Variants in MAF observed in about 807,000 individuals in gnomAD.
MAF encodes transcription factor Maf.
A neutral mutation model predicts 22.0 loss-of-function variants in MAF; 10 were observed. The ratio of observed to expected loss-of-function variants is 0.45; its 90% CI spans 0.28 to 0.77. The LOEUF (loss-of-function observed/expected upper bound fraction) is 0.77. Among genes scored for constraint, MAF ranks in the 30% least tolerant of loss-of-function variants. The pLI is 0.12. For synonymous variants in MAF, 337 were observed against 255.8 expected, an observed-to-expected ratio of 1.32 and a Z score of -3.03; for missense variants, 544 against 548.4, an observed-to-expected ratio of 0.99 and a Z score of 0.08.
chr16:79,218,347 G>A, the MAF span, among the ~76,000 whole-genome samples: 2 of 151,790 alleles, frequency 1.3e-5, no homozygotes, highest in South Asian at 2.1e-4. Context: ...CCCTACTGTG[G>A]GACATTTAGG....
chr16:79,283,967 C>CAAAAA, the MAF span, among the ~76,000 whole-genome samples: 2 of 115,584 alleles, frequency 1.7e-5, no homozygotes, highest in Non-Finnish European at 3.4e-5. Flanking sequence ...ACCTCCTCCT[C>CAAAAA]AAAAAAAAAA....
chr16:79,588,785 C>G (rs1913015924), intron 1 of MAF, among the ~76,000 whole-genome samples: 1 of 151,664 alleles, frequency 6.6e-6, no homozygotes, highest in South Asian at 2.1e-4. Context: ...AATAGCTTGC[C>G]CCCTCCCTAA....
the MAF span, chr16:79,206,501 G>A: frequency 6.6e-6 from 1 of 152,164 alleles, no homozygotes; most frequent in East Asian, 1.9e-4. Context: ...GCTCTGTGAG[G>A]GTTAGGCAAC....
chr16:79,241,049 A>G, the MAF span, among the ~76,000 whole-genome samples: 1 of 152,110 alleles, frequency 6.6e-6, no homozygotes, highest in Non-Finnish European at 1.5e-5. Context: ...ACCAACATCA[A>G]AGACCAAAGG....
downstream of MAF, among the ~76,000 whole-genome samples, chr16:79,584,131 G>A (rs1325200740): frequency 3.3e-5 from 5 of 152,056 alleles, no homozygotes; most frequent in Admixed American, 3.3e-4. Flanking sequence ...GTAATTAAAT[G>A]ACTCCCCAAA....
the MAF span, among the ~76,000 whole-genome samples, chr16:79,484,803 G>T: frequency 6.6e-6 from 1 of 152,154 alleles, no homozygotes; most frequent in Non-Finnish European, 1.5e-5. Flanking sequence ...ATGTGCACGT[G>T]TGTGTGTGTG....
At chr16:79,207,713 A>G in the MAF span, among the ~76,000 whole-genome samples, 103 of 152,338 alleles carry the variant, frequency 6.8e-4, no homozygotes, top group African/African-American at 2.4e-3. Flanking sequence ...AAAGCAAAAC[A>G]CGGTGTAACA....
At chr16:79,335,240 C>T in the MAF span, among the ~76,000 whole-genome samples, 1 of 149,948 alleles carries the variant, frequency 6.7e-6, no homozygotes, top group African/African-American at 2.5e-5. Flanking sequence ...AGAAATCAAT[C>T]ATATTTTGGG....
chr16:79,249,790 G>C, the MAF span, among the ~76,000 whole-genome samples: 2 of 151,726 alleles, frequency 1.3e-5, no homozygotes, highest in Admixed American at 6.6e-5. Context: ...CCTTCATGGA[G>C]CTAATTTACA....
At chr16:79,458,540 C>T in the MAF span, among the ~76,000 whole-genome samples, 30 of 152,122 alleles carry the variant, frequency 2.0e-4, no homozygotes, top group Admixed American at 1.6e-3. Context: ...GACTTAACTA[C>T]GTGAACCAAA....
At chr16:79,357,431 C>CA in the MAF span, among the ~76,000 whole-genome samples, 1 of 152,134 alleles carries the variant, frequency 6.6e-6, no homozygotes, top group African/African-American at 2.4e-5. Context: ...GACACTGTCT[C>CA]AAAAAACAAA....
chr16:79,344,544 A>G, the MAF span, among the ~76,000 whole-genome samples: 1 of 152,236 alleles, frequency 6.6e-6, no homozygotes, highest in Non-Finnish European at 1.5e-5. Flanking sequence ...AACTAAAGAT[A>G]GATAGGTTTC....
the MAF span, among the ~76,000 whole-genome samples, chr16:79,259,963 G>T: frequency 2.6e-5 from 4 of 152,322 alleles, no homozygotes; most frequent in Non-Finnish European, 4.4e-5. Flanking sequence ...GCCAGGTCAA[G>T]GCAGGGAAGT....
the MAF span, among the ~76,000 whole-genome samples, chr16:79,267,739 A>C: frequency 6.6e-6 from 1 of 152,350 alleles, no homozygotes; most frequent in African/African-American, 2.4e-5. Flanking sequence ...TGGTGTTGTC[A>C]GGAGTAAGGG....
chr16:79,521,656 C>T, the MAF span, among the ~76,000 whole-genome samples: 2 of 152,206 alleles, frequency 1.3e-5, no homozygotes, highest in Non-Finnish European at 2.9e-5. Flanking sequence ...ACGCATCACG[C>T]AGCCACATCT....
At chr16:79,455,378 C>T in the MAF span, among the ~76,000 whole-genome samples, 1 of 152,060 alleles carries the variant, frequency 6.6e-6, no homozygotes, top group Non-Finnish European at 1.5e-5. Context: ...TTATTAGGTG[C>T]TCTGAATAAA....
chr16:79,568,821 T>G, the MAF span, among the ~76,000 whole-genome samples: 1 of 152,182 alleles, frequency 6.6e-6, no homozygotes, highest in Non-Finnish European at 1.5e-5. Flanking sequence ...CTAACAGAAA[T>G]GGCAATAATA....
the MAF span, among the ~76,000 whole-genome samples, chr16:79,439,549 C>A: frequency 6.6e-6 from 1 of 152,152 alleles, no homozygotes; most frequent in Non-Finnish European, 1.5e-5. Flanking sequence ...TGTGAGCCAC[C>A]AGCGCCTGGC....
chr16:79,223,172 A>C, the MAF span, among the ~76,000 whole-genome samples: 18 of 152,208 alleles, frequency 1.2e-4, no homozygotes, highest in Non-Finnish European at 1.9e-4. Flanking sequence ...AGTCTCTCAG[A>C]CCACAGTGCA....
Sources: gnomAD v4.1 joint callset for allele counts (sites outside exome capture counted in the v4.1 genomes callset) on GRCh38, gnomAD v4.1.1 for gene constraint, MANE v1.5 for transcripts, NCBI Gene and HGNC (gene_info 2026-07-23, HGNC 2026-07-21) for gene names.